Variants in NFIA observed in about 807,000 individuals in gnomAD.
The protein encoded by NFIA is nuclear factor 1 A-type.
In NFIA, 8 loss-of-function variants were observed where a neutral mutation model predicts 62.8. The observed-to-expected ratio is 0.13, with a 90% CI of 0.07 to 0.23. The LOEUF (loss-of-function observed/expected upper bound fraction) is 0.23, where lower values mean the gene tolerates loss of function less well. NFIA is among the 10% of genes least tolerant of loss of function. The pLI is 1.00. For missense variants in NFIA, 410 were observed against 642.1 expected, an observed-to-expected ratio of 0.64 and a Z score of 3.91; for synonymous variants, 235 against 238.1, an observed-to-expected ratio of 0.99 and a Z score of 0.12.
In NFIA at chr1:61,082,642, G is replaced by C; in HGVS notation, c.-150G>C. Reference sequence around the variant, plus strand: ...AGCCGACTTGGAAATGTGAACGCAAGAAGCAGGCTTGATTTTTTTTTCTCC... The same window carrying C: ...AGCCGACTTGGAAATGTGAACGCAACAAGCAGGCTTGATTTTTTTTTCTCC... On this transcript the variant is annotated 5_prime_UTR_variant, in exon 1 of 11. Coordinates refer to ENST00000403491, the MANE Select transcript of NFIA (RefSeq NM_001134673.4). 2.0e-6 allele frequency: 3 copies of C among 1,521,498 alleles called. No individual in the cohort carries two copies. The highest frequency in any genetic ancestry group is 1.8e-6 in the Non-Finnish European group (2 of 1,129,878). The allele number at this position is 1,521,498 out of a possible 1,614,324, so 94.2% of individuals were successfully genotyped here.
intron 10 of NFIA, among the ~76,000 whole-genome samples, chr1:61,447,708 A>G (rs1302078351): frequency 6.6e-6 from 1 of 152,190 alleles, no homozygotes; most frequent in African/African-American, 2.4e-5. Context: ...TCTATTTTTC[A>G]TGAAAAAGCA....
intron 9 of NFIA, among the ~76,000 whole-genome samples, chr1:61,415,433 C>T (rs923073805): frequency 1.3e-5 from 2 of 151,896 alleles, no homozygotes; most frequent in East Asian, 1.9e-4. Context: ...TTGTAACAGA[C>T]GTGACAGGGC....
intron 3 of NFIA, among the ~76,000 whole-genome samples, chr1:61,278,593 G>A (rs1022865013): frequency 2.6e-5 from 4 of 152,088 alleles, no homozygotes; most frequent in African/African-American, 7.2e-5. Context: ...TTCAAGACCA[G>A]CCTGGCCAAC....
intron 2 of NFIA, among the ~76,000 whole-genome samples, chr1:61,158,757 T>G (rs1448334565): frequency 6.6e-6 from 1 of 152,230 alleles, no homozygotes; most frequent in African/African-American, 2.4e-5. Flanking sequence ...GAAATTGGTC[T>G]GTATAACACT....
intron 3 of NFIA, among the ~76,000 whole-genome samples, chr1:61,322,406 G>T (rs186735094): frequency 3.9e-5 from 6 of 152,248 alleles, no homozygotes; most frequent in Admixed American, 3.9e-4. Flanking sequence ...TGGCAGGATG[G>T]TTCTACTCCA....
chr1:61,151,204 T>C (rs1648373914), intron 2 of NFIA, among the ~76,000 whole-genome samples: 1 of 151,852 alleles, frequency 6.6e-6, no homozygotes, highest in South Asian at 2.1e-4. Context: ...GTTTTTGTTG[T>C]TGTTGTTTGT....
At chr1:61,301,806 T>G (rs190741657) in intron 3 of NFIA, among the ~76,000 whole-genome samples, 1 of 152,300 alleles carries the variant, frequency 6.6e-6, no homozygotes, top group Non-Finnish European at 1.5e-5. Flanking sequence ...TGAAAGCAGT[T>G]TCTCCTGTGG....
chr1:61,080,078 T>C (rs1245766905), upstream of NFIA, among the ~76,000 whole-genome samples: 2 of 152,062 alleles, frequency 1.3e-5, no homozygotes, highest in Non-Finnish European at 2.9e-5. Flanking sequence ...GGAGCGGATG[T>C]GAAGGGCTTT....
chr1:61,146,155 G>A (rs943813045), intron 2 of NFIA, among the ~76,000 whole-genome samples: 4 of 152,114 alleles, frequency 2.6e-5, no homozygotes, highest in Admixed American at 2.0e-4. Flanking sequence ...TTTGAGCTCC[G>A]CTTCCTTCTC....
chr1:61,396,073 T>A (rs1272904645), intron 7 of NFIA, among the ~76,000 whole-genome samples: 1 of 152,202 alleles, frequency 6.6e-6, no homozygotes, highest in Non-Finnish European at 1.5e-5. Flanking sequence ...TAGTCCAAGC[T>A]GCTTACTGTG....
chr1:61,279,848 AT>A (rs1298648826), intron 3 of NFIA, among the ~76,000 whole-genome samples: 1 of 152,092 alleles, frequency 6.6e-6, no homozygotes, highest in Non-Finnish European at 1.5e-5. Flanking sequence ...TTGAGCCTGG[AT>A]TTTTTGGCCA....
intron 2 of NFIA, among the ~76,000 whole-genome samples, chr1:61,099,146 CAG>C (rs1225760101): frequency 6.6e-6 from 1 of 152,184 alleles, no homozygotes; most frequent in African/African-American, 2.4e-5. Flanking sequence ...AGGTTTCAGA[CAG>C]AAAGCTTTGT....
intron 10 of NFIA, chr1:61,439,367 T>C (rs1219631304): frequency 6.6e-6 from 1 of 152,228 alleles, no homozygotes; most frequent in African/African-American, 2.4e-5. Flanking sequence ...GCCTTTTTTT[T>C]CCTCATAGAT....
intron 3 of NFIA, among the ~76,000 whole-genome samples, chr1:61,279,588 C>T (rs1046505255): frequency 3.3e-5 from 5 of 152,032 alleles, no homozygotes; most frequent in African/African-American, 1.2e-4. Context: ...GCATAATCTC[C>T]CTAAAGATGT....
At chr1:61,419,719 T>C (rs539859088) in intron 9 of NFIA, among the ~76,000 whole-genome samples, 2 of 152,310 alleles carry the variant, frequency 1.3e-5, no homozygotes, top group East Asian at 1.9e-4. Context: ...TTTCTTTTCA[T>C]GGTTTTTGTG....
intron 6 of NFIA, among the ~76,000 whole-genome samples, chr1:61,362,112 T>G (rs1389181524): frequency 3.3e-5 from 5 of 152,138 alleles, no homozygotes; most frequent in Non-Finnish European, 7.4e-5. Flanking sequence ...AAATGGATAA[T>G]TTATGCTGCC....
intron 3 of NFIA, among the ~76,000 whole-genome samples, chr1:61,302,739 T>G (rs1285484599): frequency 1.3e-5 from 2 of 152,176 alleles, no homozygotes; most frequent in African/African-American, 4.8e-5. Context: ...TTGCAATATT[T>G]TGGAAAAAAC....
chr1:61,272,240 C>G (rs1288034408), intron 2 of NFIA, among the ~76,000 whole-genome samples: 1 of 152,080 alleles, frequency 6.6e-6, no homozygotes, highest in Non-Finnish European at 1.5e-5. Flanking sequence ...ATTGTATATA[C>G]ATGTGTACAC....
chr1:61,245,017 T>C (rs1655556576), intron 2 of NFIA, among the ~76,000 whole-genome samples: 1 of 152,212 alleles, frequency 6.6e-6, no homozygotes. Context: ...GAACTAAATG[T>C]CCTCTTGCTA....
Sources: allele counts gnomAD v4.1 joint callset (sites outside exome capture counted in the v4.1 genomes callset), GRCh38; gene constraint gnomAD v4.1.1; transcripts MANE v1.5; gene names NCBI Gene and HGNC (gene_info 2026-07-23, HGNC 2026-07-21).